PRSS12: variants seen among roughly 807,000 people sequenced by gnomAD.
The protein encoded by PRSS12 is neurotrypsin.
PRSS12 carries 85 observed loss-of-function variants against 104.4 expected under a neutral mutation model. The observed-to-expected ratio is 0.81, with a 90% confidence interval of 0.68 to 0.98. The LOEUF is 0.98. PRSS12 is among the 50% of genes least tolerant of loss of function. PRSS12 has a pLI of 0.00. For synonymous variants in PRSS12, 454 were observed against 425.2 expected, an observed-to-expected ratio of 1.07 and a Z score of -0.83; for missense variants, 1,141 against 1,139.2, an observed-to-expected ratio of 1.00 and a Z score of -0.02.
At chr4:118,315,290 A>C (rs1428816868) in intron 6 of PRSS12, among the ~76,000 whole-genome samples, 1 of 152,242 alleles carries the variant, frequency 6.6e-6, no homozygotes, top group South Asian at 2.1e-4. Context: ...CCAAATTATA[A>C]TGATAGCATA....
At chr4:118,336,956 T>C (rs949123563) in intron 2 of PRSS12, among the ~76,000 whole-genome samples, 1 of 152,230 alleles carries the variant, frequency 6.6e-6, no homozygotes, top group Non-Finnish European at 1.5e-5. Flanking sequence ...CCAAGCACCA[T>C]AACACTTTAT....
At chr4:118,306,198 T>C (rs1743548179) in intron 8 of PRSS12, among the ~76,000 whole-genome samples, 1 of 152,196 alleles carries the variant, frequency 6.6e-6, no homozygotes, top group African/African-American at 2.4e-5. Flanking sequence ...ACAGTGTGCA[T>C]AAGGGTTTCA....
chr4:118,319,832 C>T (rs1228081533), intron 4 of PRSS12, among the ~76,000 whole-genome samples: 1 of 151,910 alleles, frequency 6.6e-6, no homozygotes, highest in Non-Finnish European at 1.5e-5. Context: ...TGCATACCAC[C>T]GTGCCAGTGA....
chr4:118,324,755 C>T (rs1198583242), intron 4 of PRSS12, among the ~76,000 whole-genome samples: 1 of 152,064 alleles, frequency 6.6e-6, no homozygotes, highest in East Asian at 1.9e-4. Flanking sequence ...CTCTGTCGCA[C>T]AGGCTGGAGT....
At chr4:118,342,100 C>G (rs1724228602) in intron 1 of PRSS12, among the ~76,000 whole-genome samples, 1 of 152,150 alleles carries the variant, frequency 6.6e-6, no homozygotes, top group South Asian at 2.1e-4. Context: ...TGTCCCACAG[C>G]TGTACAAAGT....
intron 9 of PRSS12, among the ~76,000 whole-genome samples, chr4:118,296,230 C>A (rs780300413): frequency 6.6e-6 from 1 of 152,108 alleles, no homozygotes; most frequent in Non-Finnish European, 1.5e-5. Context: ...CAGTAATGGC[C>A]TAAATTACTT....
Position 118,298,824 on chromosome 4 carries a change from T to C in PRSS12, c.1746A>G (p.Gln582=), listed in dbSNP as rs777027226. 6.2e-7 allele frequency: 1 copy of C among 1,614,194 alleles called. No homozygotes were observed. ...NERSLADCIK[Q]DIGRHNCRHS... is the part of the protein sequence containing the mutation. ...GGCGGCAGTTGTGTCTTCCAATATC[T>C]TGCTTGATACAGTCAGCCAAGGACC... Residue 582 remains glutamine (Q), a synonymous_variant, in exon 9 of 13, where the codon CAA becomes CAG. Coordinates refer to ENST00000296498, the MANE Select transcript of PRSS12 (RefSeq NM_003619.4).
At chr4:118,334,961 AC>A (rs1170058742) in intron 3 of PRSS12, among the ~76,000 whole-genome samples, 2 of 152,118 alleles carry the variant, frequency 1.3e-5, no homozygotes, top group African/African-American at 4.8e-5. Flanking sequence ...ATTACCACAT[AC>A]CTACTCTATG....
At chr4:118,344,149 CT>C (rs1453171026) in intron 1 of PRSS12, among the ~76,000 whole-genome samples, 5 of 151,966 alleles carry the variant, frequency 3.3e-5, no homozygotes, top group Non-Finnish European at 5.9e-5. Flanking sequence ...AATTTATGAC[CT>C]ATTCAAAAGA....
rs77179733 is a variant in PRSS12 at position 118,327,432 on chromosome 4, G to A, written c.971+4284C>T. 9.5e-3 allele frequency among the ~76,000 whole-genome samples: 1,447 copies of A among 152,196 alleles called. 25 individuals are homozygous for A. The highest frequency in any genetic ancestry group is 0.082 in the Middle Eastern group (24 of 294). Reference sequence around the variant, plus strand: ...CCCACAAAGTGTTGGGATTATAGGCGTGAGACACCATGCCTGGCAAAAAAC... The same window carrying A: ...CCCACAAAGTGTTGGGATTATAGGCATGAGACACCATGCCTGGCAAAAAAC... On this transcript the variant is annotated intron_variant, in intron 4 of 12. Transcript: ENST00000296498.
At chr4:118,318,160 T>C (rs1357981205) in intron 5 of PRSS12, among the ~76,000 whole-genome samples, 1 of 152,244 alleles carries the variant, frequency 6.6e-6, no homozygotes, top group Non-Finnish European at 1.5e-5. Context: ...GATCTAGCTT[T>C]ACAAGACTAT....
intron 4 of PRSS12, among the ~76,000 whole-genome samples, chr4:118,321,616 C>G (rs1723625915): frequency 6.6e-6 from 1 of 152,158 alleles, no homozygotes; most frequent in South Asian, 2.1e-4. Flanking sequence ...CCTCTTCTGG[C>G]ACGTTAAGGA....
intron 8 of PRSS12, among the ~76,000 whole-genome samples, chr4:118,304,155 T>C (rs1743473057): frequency 6.6e-6 from 1 of 152,038 alleles, no homozygotes; most frequent in East Asian, 1.9e-4. Flanking sequence ...TATATATGCA[T>C]ACATGTGTAT....
rs911456382 is a variant in PRSS12, at chr4:118,352,455, T to C, written c.266A>G (p.His89Arg). ...ALQAGHTPRP[H>R]PWGCPAGEPW... ...CTCGCCGGCGGGGCAGCCCCAGGGG[T>C]GCGGCCGGGGCGTGTGCCCGGCCTG... The change falls in exon 1 of 13, where the codon CAC (histidine) becomes CGC (arginine). Residue 89 changes from histidine (H) to arginine (R), a missense_variant. By Grantham distance (29) the His-to-Arg change is conservative. Transcript: ENST00000296498. 5 of 1,427,104 alleles carry C rather than the reference T, an allele frequency of 3.5e-6. No individual in the cohort carries two copies. The highest frequency in any genetic ancestry group is 4.6e-6 in the Non-Finnish European group (5 of 1,097,400). 88.4% of individuals were successfully genotyped at this position (1,427,104 alleles called of 1,614,324 possible). A position where few individuals can be genotyped will look rare whatever the true frequency, so the allele number is the denominator to read the frequency against.
rs753768799 is a variant in PRSS12 at position 118,352,241 on chromosome 4, C to G, written c.480G>C (p.Trp160Cys). ...FYGDARGKVDWGYCDCRHGSV... is the reference protein window; with the variant it reads ...FYGDARGKVDCGYCDCRHGSV... The stretch of plus-strand genomic sequence containing the variant: ...AACCGTGTCTGCAGTCGCAGTAGCC[C>G]CAGTCCACCTTGCCACGGGCGTCTC... Residue 160 changes from tryptophan to cysteine, a missense_variant, in exon 1 of 13, where the codon TGG (tryptophan) becomes TGC (cysteine). By Grantham distance (215) the Trp-to-Cys change is radical (BLOSUM62 -2). Coordinates refer to ENST00000296498, the MANE Select transcript of PRSS12 (RefSeq NM_003619.4). 3.0e-5 allele frequency: 48 copies of G among 1,611,952 alleles called. No individual in the cohort carries two copies. Among genetic ancestry groups the G allele is most frequent in the Non-Finnish European group, 3.9e-5 (46 of 1,179,744 alleles).
chr4:118,286,917 T>G lies in PRSS12; in HGVS notation c.2040-3806A>C, dbSNP rs28667866. Among the ~76,000 whole-genome samples the G allele has an allele frequency of 6.7e-3, 1,027 of 152,222 alleles. 11 individuals are homozygous for G. The highest frequency in any genetic ancestry group is 0.023 in the African/African-American group (966 of 41,516). ...GGATGAAGTAAGCATCCTAAGAGAT[T>G]ACTAATAGAAACCAAAATGCAAAAA... On this transcript the variant is annotated intron_variant, in intron 11 of 12. Coordinates refer to ENST00000296498, the MANE Select transcript of PRSS12 (RefSeq NM_003619.4).
intron 4 of PRSS12, among the ~76,000 whole-genome samples, chr4:118,325,305 C>T (rs1173015842): frequency 6.7e-6 from 1 of 149,290 alleles, no homozygotes. Context: ...TCCAATATAC[C>T]CATGAAAAGC....
At chr4:118,321,093 T>C (rs960308805) in intron 4 of PRSS12, among the ~76,000 whole-genome samples, 7 of 152,120 alleles carry the variant, frequency 4.6e-5, no homozygotes, top group African/African-American at 1.7e-4. Flanking sequence ...AGGAAAACAT[T>C]TGGAATTCTA....
intron 11 of PRSS12, among the ~76,000 whole-genome samples, chr4:118,285,120 C>T (rs2126025759): frequency 6.6e-6 from 1 of 152,240 alleles, no homozygotes; most frequent in East Asian, 1.9e-4. Context: ...GATGATTTGG[C>T]TTATATAGCC....
Sources: allele counts gnomAD v4.1 joint callset (sites outside exome capture counted in the v4.1 genomes callset), GRCh38; gene constraint gnomAD v4.1.1; transcripts MANE v1.5; gene names NCBI Gene and HGNC (gene_info 2026-07-23, HGNC 2026-07-21).